The following CMIP variants were observed in gnomAD, a reference collection of about 807,000 sequenced individuals.
The protein encoded by CMIP is c-Maf inducing protein, also known as C-Maf-inducing protein.
Under a neutral mutation model 97.3 loss-of-function variants are expected in CMIP, and 13 were observed. The observed-to-expected ratio is 0.13, with a 90% CI of 0.09 to 0.21. The LOEUF (loss-of-function observed/expected upper bound fraction) is 0.21. Among genes scored for constraint, CMIP ranks in the 10% least tolerant of loss-of-function variants. The pLI is 1.00. For missense variants in CMIP, 847 were observed against 1,024.9 expected (o/e 0.83, Z 2.37); for synonymous variants, 538 against 436.3 (o/e 1.23, Z -2.91).
intron 1 of CMIP, among the ~76,000 whole-genome samples, chr16:81,586,027 C>T (rs1003604858): frequency 2.0e-5 from 3 of 151,960 alleles, no homozygotes; most frequent in Non-Finnish European, 4.4e-5. Context: ...GCATGGCATT[C>T]TCACAGCCGG....
At chr16:81,497,173 C>T (rs1597476556) in intron 1 of CMIP, among the ~76,000 whole-genome samples, 1 of 152,158 alleles carries the variant, frequency 6.6e-6, no homozygotes, top group South Asian at 2.1e-4. Flanking sequence ...TTGCATAGCC[C>T]GGGGGACTCA....
At chr16:81,600,769 T>C (rs2091644266) in intron 1 of CMIP, among the ~76,000 whole-genome samples, 1 of 152,192 alleles carries the variant, frequency 6.6e-6, no homozygotes, top group African/African-American at 2.4e-5. Flanking sequence ...ATTTTAGAAA[T>C]GCAGCCAGGG....
At chr16:81,639,174 TGTG>T (rs1306740826) in intron 3 of CMIP, among the ~76,000 whole-genome samples, 2 of 152,206 alleles carry the variant, frequency 1.3e-5, no homozygotes, top group Non-Finnish European at 2.9e-5. Flanking sequence ...CTCTGTGTGT[TGTG>T]GTCTTCAAGT....
At chr16:81,473,811 G>GTTT (rs5818337) in intron 1 of CMIP, among the ~76,000 whole-genome samples, 10 of 127,088 alleles carry the variant, frequency 7.9e-5, no homozygotes, top group South Asian at 2.5e-4. Context: ...CCACACAGTG[G>GTTT]TTTTTTTTTT....
chr16:81,521,176 G>A (rs578019284), intron 1 of CMIP, among the ~76,000 whole-genome samples: 73 of 152,312 alleles, frequency 4.8e-4, no homozygotes, highest in African/African-American at 1.6e-3. Flanking sequence ...CTGCCCGGTC[G>A]CCGTGACTGT....
intron 1 of CMIP, among the ~76,000 whole-genome samples, chr16:81,605,098 C>G: frequency 6.6e-6 from 1 of 152,296 alleles, no homozygotes; most frequent in South Asian, 2.1e-4. Flanking sequence ...AACCACCAAG[C>G]CCTGGCTTCT....
chr16:81,633,534 G>C (rs978371280), intron 3 of CMIP, among the ~76,000 whole-genome samples: 8 of 152,258 alleles, frequency 5.3e-5, no homozygotes, highest in Non-Finnish European at 8.8e-5. Flanking sequence ...TTGGGAGAGA[G>C]GATAATTGAC....
At chr16:81,449,427 T>A (rs1906067879) in intron 1 of CMIP, among the ~76,000 whole-genome samples, 1 of 152,252 alleles carries the variant, frequency 6.6e-6, no homozygotes, top group African/African-American at 2.4e-5. Flanking sequence ...ACAGGCTTAC[T>A]GCATGCCTAC....
chr16:81,576,595 T>C (rs1039047012), intron 1 of CMIP, among the ~76,000 whole-genome samples: 1 of 152,140 alleles, frequency 6.6e-6, no homozygotes, highest in Non-Finnish European at 1.5e-5. Context: ...CAGGGATACG[T>C]AGCCAATGAG....
At chr16:81,461,531 G>A (rs1406430263) in intron 1 of CMIP, among the ~76,000 whole-genome samples, 1 of 152,182 alleles carries the variant, frequency 6.6e-6, no homozygotes, top group Non-Finnish European at 1.5e-5. Context: ...CATGCAACGG[G>A]GACCCTATTT....
At chr16:81,675,370 A>ATTTTTTTTTTTT (rs35314200) in intron 9 of CMIP, among the ~76,000 whole-genome samples, 1 of 123,378 alleles carries the variant, frequency 8.1e-6, no homozygotes. Context: ...CACCTGGCTA[A>ATTTTTTTTTTTT]TTTTTTTTTT....
At chr16:81,617,702 C>T (rs1417635835) in intron 2 of CMIP, among the ~76,000 whole-genome samples, 1 of 152,242 alleles carries the variant, frequency 6.6e-6, no homozygotes, top group Non-Finnish European at 1.5e-5. Flanking sequence ...GTAACCAGCT[C>T]TGGCCCAGCC....
At chr16:81,533,666 A>G (rs1298109895) in intron 1 of CMIP, among the ~76,000 whole-genome samples, 2 of 152,024 alleles carry the variant, frequency 1.3e-5, no homozygotes, top group Non-Finnish European at 2.9e-5. Context: ...TTTAGTAGAG[A>G]CAGGGTTTCA....
chr16:81,628,840 G>A (rs1294636688), intron 3 of CMIP, among the ~76,000 whole-genome samples: 1 of 152,056 alleles, frequency 6.6e-6, no homozygotes, highest in Non-Finnish European at 1.5e-5. Context: ...ATCACCACTA[G>A]GGTTATGTGA....
At chr16:81,668,978 A>C (rs565662055) in intron 7 of CMIP, among the ~76,000 whole-genome samples, 4 of 100,118 alleles carry the variant, frequency 4.0e-5, no homozygotes, top group East Asian at 3.0e-4. Context: ...CACTCCTTCC[A>C]CACCCACCTC....
intron 1 of CMIP, among the ~76,000 whole-genome samples, chr16:81,550,257 A>C (rs1408824795): frequency 6.6e-6 from 1 of 152,196 alleles, no homozygotes; most frequent in African/African-American, 2.4e-5. Context: ...AAGCTCTCTG[A>C]GCCTCAGTCT....
intron 1 of CMIP, among the ~76,000 whole-genome samples, chr16:81,493,513 A>G (rs900699237): frequency 6.6e-6 from 1 of 152,242 alleles, no homozygotes; most frequent in African/African-American, 2.4e-5. Flanking sequence ...GTGTGACTCA[A>G]GGGGCTGTCC....
At chr16:81,525,992 GTGTGTGTGTGTGTGTC>G (rs1481833274) in intron 1 of CMIP, among the ~76,000 whole-genome samples, 2 of 33,258 alleles carry the variant, frequency 6.0e-5, no homozygotes, top group Non-Finnish European at 1.3e-4. Flanking sequence ...GTGTGTGTGT[GTGTGTGTGTGTGTGTC>G]TGTGTGTGTG....
chr16:81,671,030 T>C (rs1255237132), intron 8 of CMIP, among the ~76,000 whole-genome samples: 3 of 152,200 alleles, frequency 2.0e-5, no homozygotes, highest in Non-Finnish European at 4.4e-5. Context: ...GGTTTCAACA[T>C]GTTGGCCAGG....
Sources: allele counts gnomAD v4.1 joint callset (sites outside exome capture counted in the v4.1 genomes callset), GRCh38; gene constraint gnomAD v4.1.1; transcripts MANE v1.5; gene names NCBI Gene and HGNC (gene_info 2026-07-23, HGNC 2026-07-21).